Variants in TXNDC12 observed in about 807,000 individuals in gnomAD.
TXNDC12 encodes thioredoxin domain containing 12, also known as thioredoxin domain-containing protein 12.
In TXNDC12, 22 loss-of-function variants were observed where a neutral mutation model predicts 24.2. That is an observed-to-expected ratio of 0.91 (90% CI 0.65 to 1.30). TXNDC12 has a LOEUF of 1.30. Ranked by LOEUF, TXNDC12 falls within the 50% of genes most tolerant of loss-of-function variation. The pLI is 0.00. For synonymous variants in TXNDC12, 58 were observed against 73.4 expected (o/e 0.79, Z 1.07); for missense variants, 184 against 205.8 (o/e 0.89, Z 0.65).
chr1:52,041,288 G>A (rs371376539), intron 2 of TXNDC12, among the ~76,000 whole-genome samples: 21 of 151,790 alleles, frequency 1.4e-4, no homozygotes, highest in African/African-American at 4.8e-4. Flanking sequence ...AGCCGAGATC[G>A]TGCCACTGCA....
chr1:52,050,345 A>C (rs944904593), intron 1 of TXNDC12, among the ~76,000 whole-genome samples: 9 of 152,210 alleles, frequency 5.9e-5, no homozygotes, highest in African/African-American at 7.2e-5. Context: ...CCAATTTCCT[A>C]AAGTGTCACC....
chr1:52,043,906 T>C (rs1384089945), intron 1 of TXNDC12: 1 of 152,226 alleles, frequency 6.6e-6, no homozygotes, highest in Non-Finnish European at 1.5e-5. Context: ...GATGAGCACA[T>C]GCAGGCAGTA....
chr1:52,052,933 G>A (rs1686244868), intron 1 of TXNDC12, among the ~76,000 whole-genome samples: 1 of 152,076 alleles, frequency 6.6e-6, no homozygotes, highest in Non-Finnish European at 1.5e-5. Context: ...CAGCTAGTGA[G>A]TGGCAGAACA....
At chr1:52,023,202 C>T (rs139001711) in intron 6 of TXNDC12, 140 of 305,166 alleles carry the variant, frequency 4.6e-4, no homozygotes, top group African/African-American at 2.7e-3. Flanking sequence ...AAGTTCTGGA[C>T]TCAAATTCTG....
chr1:52,025,835 T>C (rs1685664238), intron 4 of TXNDC12, among the ~76,000 whole-genome samples: 1 of 151,742 alleles, frequency 6.6e-6, no homozygotes. Context: ...TTTTTTTTTT[T>C]TTTCTCTTTT....
At chr1:52,031,086 G>C (rs1277152432) in intron 2 of TXNDC12, among the ~76,000 whole-genome samples, 1 of 151,610 alleles carries the variant, frequency 6.6e-6, no homozygotes, top group African/African-American at 2.4e-5. Context: ...CAGCTAGTTA[G>C]TCCTCTTCAC....
At chr1:52,033,023 C>G in intron 2 of TXNDC12, 1 of 1,571,858 alleles carries the variant, frequency 6.4e-7, no homozygotes, top group Non-Finnish European at 8.6e-7. Flanking sequence ...TCAAACAGGG[C>G]AGAGCGGATC....
At chr1:52,033,983 T>C (rs1685835980) in intron 2 of TXNDC12, 1 of 1,417,090 alleles carries the variant, frequency 7.1e-7, no homozygotes, top group South Asian at 1.6e-5. Context: ...TTATGCCAAA[T>C]GTTATAGGCC....
chr1:52,040,833 C>T (rs1685974003), intron 2 of TXNDC12, among the ~76,000 whole-genome samples: 1 of 147,432 alleles, frequency 6.8e-6, no homozygotes, highest in Non-Finnish European at 1.5e-5. Context: ...GAGCTCAAGA[C>T]CAGCCTGGCC....
At chr1:52,032,512 T>C (rs2124368361) in intron 2 of TXNDC12, 1 of 1,369,444 alleles carries the variant, frequency 7.3e-7, no homozygotes, top group African/African-American at 1.5e-5. Flanking sequence ...TTCTCTTTAG[T>C]CTGAACTTAT....
intron 2 of TXNDC12, among the ~76,000 whole-genome samples, chr1:52,038,842 T>C (rs1022613660): frequency 1.3e-5 from 2 of 152,006 alleles, no homozygotes; most frequent in African/African-American, 4.8e-5. Flanking sequence ...GCAAGGTTTT[T>C]GCACCTGTTG....
intron 4 of TXNDC12, 21 bp from the exon 5 acceptor site, chr1:52,024,600 C>T (rs1399786528): frequency 6.3e-7 from 1 of 1,583,404 alleles, no homozygotes; most frequent in Non-Finnish European, 8.6e-7. Flanking sequence ...TAAATGTAAA[C>T]CTTAAGTCAG....
Position 52,023,465 on chromosome 1 carries a change from CCTCCCTCCCTTCAGCATAA to C in TXNDC12, c.439+7_439+25del. ...CATCCTAGTTCAATCTAGCAATAATCCTCCCTCCCTTCAGCATAACTATACCTTGCTCGGCACTGACATA... is the reference window on the plus strand; with the variant it reads ...CATCCTAGTTCAATCTAGCAATAATCCTATACCTTGCTCGGCACTGACATA... On this transcript the variant is annotated splice_region_variant and intron_variant, in intron 6 of 6. Coordinates refer to ENST00000371626, the MANE Select transcript of TXNDC12 (RefSeq NM_015913.4). The C allele has an allele frequency of 6.3e-7, 1 of 1,583,232 alleles. No homozygotes were observed.
chr1:52,035,481 T>G (rs1222307363), intron 2 of TXNDC12, among the ~76,000 whole-genome samples: 2 of 151,944 alleles, frequency 1.3e-5, no homozygotes, highest in Non-Finnish European at 2.9e-5. Flanking sequence ...AGGCAGAGGG[T>G]AGATCACCTG....
At chr1:52,044,858 C>T (rs1057279307) in intron 1 of TXNDC12, among the ~76,000 whole-genome samples, 3 of 152,000 alleles carry the variant, frequency 2.0e-5, no homozygotes, top group African/African-American at 7.2e-5. Context: ...GCCAATAGTC[C>T]CAGCTACTTG....
At chr1:52,033,740 C>T (rs1040982849) in intron 2 of TXNDC12, 2 of 1,603,550 alleles carry the variant, frequency 1.2e-6, no homozygotes, top group South Asian at 1.1e-5. Flanking sequence ...TACGGCAGCC[C>T]GCAAAACACC....
chr1:52,055,237 A>T, upstream of TXNDC12: 3 of 637,404 alleles, frequency 4.7e-6, no homozygotes. Flanking sequence ...GAAGGAAGTG[A>T]TGTTAGACGG....
At chr1:52,040,792 A>G (rs1470047465) in intron 2 of TXNDC12, among the ~76,000 whole-genome samples, 1 of 151,992 alleles carries the variant, frequency 6.6e-6, no homozygotes, top group Admixed American at 6.6e-5. Flanking sequence ...GCACTTTGGG[A>G]GGCCGAGGCA....
At chr1:52,032,589 T>C in intron 2 of TXNDC12, 2 of 1,472,564 alleles carry the variant, frequency 1.4e-6, no homozygotes, top group East Asian at 2.3e-5. Flanking sequence ...ACAACAGCTC[T>C]AGTACAGTAC....
Sources: allele counts gnomAD v4.1 joint callset (sites outside exome capture counted in the v4.1 genomes callset), GRCh38; gene constraint gnomAD v4.1.1; transcripts MANE v1.5; gene names NCBI Gene and HGNC (gene_info 2026-07-23, HGNC 2026-07-21).